The following GRIA3 variants were observed in gnomAD, a reference collection of about 807,000 sequenced individuals.
GRIA3 encodes glutamate ionotropic receptor AMPA type subunit 3, also known as glutamate receptor 3.
GRIA3 carries 3 observed loss-of-function variants against 63.0 expected under a neutral mutation model. The ratio of observed to expected loss-of-function variants is 0.05; its 90% CI spans 0.02 to 0.12. GRIA3 has a LOEUF of 0.12. Among genes scored for constraint, GRIA3 ranks in the 10% least tolerant of loss-of-function variants. The pLI is 1.00. For missense variants in GRIA3, 347 were observed against 700.9 expected, an observed-to-expected ratio of 0.50 and a Z score of 5.70; for synonymous variants, 274 against 257.9, an observed-to-expected ratio of 1.06 and a Z score of -0.60.
intron 12 of GRIA3, among the ~76,000 whole-genome samples, chrX:123,431,027 T>TACACACACACACACACACACAC (rs3050442): frequency 8.6e-4 from 86 of 99,493 alleles, no homozygotes; most frequent in African/African-American, 3.1e-3. Flanking sequence ...GTAACTCACA[T>TACACACACACACACACACACAC]ACACACACAC....
At chrX:123,241,865 A>C (rs1302188626) in intron 2 of GRIA3, among the ~76,000 whole-genome samples, 1 of 111,886 alleles carries the variant, frequency 8.9e-6, no homozygotes, top group Non-Finnish European at 1.9e-5. Context: ...TCAGGTGGTG[A>C]AAGTTACAAG....
At chrX:123,237,222 T>TAGAA in intron 2 of GRIA3, among the ~76,000 whole-genome samples, 1 of 111,971 alleles carries the variant, frequency 8.9e-6, no homozygotes, top group Non-Finnish European at 1.9e-5. Flanking sequence ...GAAAGACCAC[T>TAGAA]AGTCTAGGGC....
chrX:123,229,603 C>G (rs1465534183), intron 2 of GRIA3, among the ~76,000 whole-genome samples: 3 of 111,668 alleles, frequency 2.7e-5, no homozygotes, highest in Non-Finnish European at 5.7e-5. Flanking sequence ...CAGAGGCCAG[C>G]TTTCAGAGCA....
chrX:123,232,431 T>G (rs967118054), intron 2 of GRIA3, among the ~76,000 whole-genome samples: 1 of 111,626 alleles, frequency 9.0e-6, no homozygotes, highest in Non-Finnish European at 1.9e-5. Flanking sequence ...GAATGGTGGT[T>G]GCCAGGGGAT....
At chrX:123,358,886 T>C (rs1208608985) in intron 5 of GRIA3, 1 of 111,506 alleles carries the variant, frequency 9.0e-6, no homozygotes, top group Non-Finnish European at 1.9e-5. Context: ...ATGTCAGTAA[T>C]GATAGCTCAG....
At chrX:123,202,916 A>G in intron 2 of GRIA3, 1 of 645,313 alleles carries the variant, frequency 1.5e-6, no homozygotes, top group South Asian at 3.0e-5. Flanking sequence ...GGCAAGTCAA[A>G]GTCAAGCCTA....
chrX:123,275,157 T>G (rs2044547562), intron 3 of GRIA3, among the ~76,000 whole-genome samples: 1 of 111,383 alleles, frequency 9.0e-6, no homozygotes, highest in Non-Finnish European at 1.9e-5. Context: ...TATAACAATA[T>G]TATAAATAAT....
intron 13 of GRIA3, among the ~76,000 whole-genome samples, 175 bp from the exon 14 acceptor site, chrX:123,479,888 G>T (rs866140784): frequency 1.8e-5 from 2 of 112,360 alleles, no homozygotes; most frequent in Admixed American, 9.4e-5. Context: ...TAAATATAGC[G>T]TTGCTGTAGT....
chrX:123,320,764 G>A (rs2044862855), intron 3 of GRIA3, among the ~76,000 whole-genome samples: 1 of 111,842 alleles, frequency 8.9e-6, no homozygotes, highest in Non-Finnish European at 1.9e-5. Context: ...AGGTAAGTGC[G>A]GCTGCACTTG....
At chrX:123,274,474 A>G (rs891078817) in intron 3 of GRIA3, among the ~76,000 whole-genome samples, 1 of 112,302 alleles carries the variant, frequency 8.9e-6, no homozygotes, top group South Asian at 3.7e-4. Context: ...TCACTTGTCC[A>G]TGACATAAAA....
At chrX:123,308,401 T>G (rs1409622192) in intron 3 of GRIA3, among the ~76,000 whole-genome samples, 1 of 111,568 alleles carries the variant, frequency 9.0e-6, no homozygotes, top group Non-Finnish European at 1.9e-5. Context: ...TAGAGCATCT[T>G]TAGGGTCTTC....
chrX:123,290,281 TG>T (rs897140662), intron 3 of GRIA3, among the ~76,000 whole-genome samples: 2 of 112,150 alleles, frequency 1.8e-5, no homozygotes, highest in African/African-American at 6.5e-5. Flanking sequence ...TTACCAGCTA[TG>T]GGTCTGCCCG....
intron 4 of GRIA3, among the ~76,000 whole-genome samples, chrX:123,344,645 T>A (rs999652258): frequency 9.0e-6 from 1 of 111,729 alleles, no homozygotes; most frequent in Non-Finnish European, 1.9e-5. Flanking sequence ...TGTCTCAGGG[T>A]CTGCCTTCAG....
chrX:123,232,875 T>A (rs890568621), intron 2 of GRIA3, among the ~76,000 whole-genome samples: 1 of 111,028 alleles, frequency 9.0e-6, no homozygotes, highest in Non-Finnish European at 1.9e-5. Context: ...TTCTTGGCAT[T>A]TTGCAGGTGA....
chrX:123,230,902 C>T (rs775963865), intron 2 of GRIA3, among the ~76,000 whole-genome samples: 2 of 111,975 alleles, frequency 1.8e-5, no homozygotes, highest in South Asian at 3.7e-4. Context: ...TAATCAGAGA[C>T]GTCTCTCCCT....
intron 4 of GRIA3, among the ~76,000 whole-genome samples, chrX:123,332,065 A>G (rs2147336668): frequency 9.0e-6 from 1 of 111,722 alleles, no homozygotes; most frequent in African/African-American, 3.2e-5. Flanking sequence ...TGGCTTCCCC[A>G]AGGTATCAGT....
intron 5 of GRIA3, 92 bp downstream of exon 5, chrX:123,355,055 T>C: frequency 1.5e-6 from 1 of 663,978 alleles, no homozygotes; most frequent in African/African-American, 2.1e-5. Flanking sequence ...AAGTACCTAA[T>C]GCTTTCTCCA....
intron 5 of GRIA3, among the ~76,000 whole-genome samples, chrX:123,360,883 ACACAC>A (rs2045169870): frequency 1.9e-5 from 2 of 103,786 alleles, no homozygotes; most frequent in African/African-American, 7.1e-5. Flanking sequence ...ACACACACAC[ACACAC>A]ACACACACAC....
At chrX:123,333,625 A>G (rs770261466) in intron 4 of GRIA3, among the ~76,000 whole-genome samples, 1 of 112,078 alleles carries the variant, frequency 8.9e-6, no homozygotes, top group African/African-American at 3.2e-5. Flanking sequence ...AAAGCCTAGA[A>G]CTTATTTTTG....
Sources: gnomAD v4.1 joint callset for allele counts (sites outside exome capture counted in the v4.1 genomes callset) on GRCh38, gnomAD v4.1.1 for gene constraint, MANE v1.5 for transcripts, NCBI Gene and HGNC (gene_info 2026-07-23, HGNC 2026-07-21) for gene names.